ATP11C: variants seen among roughly 807,000 people sequenced by gnomAD.
The protein encoded by ATP11C is ATPase phospholipid transporting 11C (ATP11C blood group).
A neutral mutation model predicts 97.4 loss-of-function variants in ATP11C; 36 were observed. That is an observed-to-expected ratio of 0.37 (90% CI 0.28 to 0.49). The LOEUF (loss-of-function observed/expected upper bound fraction) is 0.49, where lower values mean the gene tolerates loss of function less well. ATP11C is among the 20% of genes least tolerant of loss of function. The pLI, the probability that ATP11C is intolerant of heterozygous loss-of-function variation, is 0.98. For missense variants in ATP11C, 730 were observed against 824.6 expected, an observed-to-expected ratio of 0.89 and a Z score of 1.40; for synonymous variants, 275 against 290.9, an observed-to-expected ratio of 0.95 and a Z score of 0.56.
At chrX:139,793,011 C>T (rs2082725392) in intron 12 of ATP11C, among the ~76,000 whole-genome samples, 1 of 111,338 alleles carries the variant, frequency 9.0e-6, no homozygotes, top group Non-Finnish European at 1.9e-5. Flanking sequence ...GTCTAGGAGT[C>T]ATGGGGCAGT....
chrX:139,913,034 C>T (rs747734591), intron 1 of ATP11C, among the ~76,000 whole-genome samples: 54 of 112,050 alleles, frequency 4.8e-4, no homozygotes, highest in Non-Finnish European at 9.2e-4. Context: ...ACCAAATTAC[C>T]ACTTGTTCTC....
At chrX:139,918,252 C>T (rs976778617) in intron 1 of ATP11C, among the ~76,000 whole-genome samples, 3 of 111,887 alleles carry the variant, frequency 2.7e-5, no homozygotes, top group African/African-American at 9.7e-5. Flanking sequence ...ATCCAAATGA[C>T]TATCTACAGA....
chrX:139,788,230 AGAG>A lies in ATP11C; in HGVS notation c.1479_1481del (p.Ser495del). On this transcript the variant is annotated inframe_deletion, in exon 14 of 30. Coordinates refer to ENST00000682941, the MANE Select transcript of ATP11C (RefSeq NM_001353812.2). ...TCACCAAAGCTATTTCATCTGGTGA[AGAG>A]GAGATATAGGTTAATTCAGCTGATT... 1 of 1,209,065 alleles carries A rather than the reference AGAG, an allele frequency of 8.3e-7. No homozygotes were observed. The highest frequency in any genetic ancestry group is 1.7e-5 in the African/African-American group (1 of 57,747).
At position 139,802,429 on chromosome X, in the gene ATP11C, A is replaced by T. The variant is rs1178131909; in HGVS notation, c.556-90T>A. On this transcript the variant is annotated intron_variant, in intron 6 of 29. Coordinates refer to ENST00000682941, the MANE Select transcript of ATP11C (RefSeq NM_001353812.2). Reference sequence around the variant, plus strand: ...CTGATTTCAGAAACAAATTTAGTTTATGTTTTAGTAAGAGGCTTTGGCAGA... The same window carrying T: ...CTGATTTCAGAAACAAATTTAGTTTTTGTTTTAGTAAGAGGCTTTGGCAGA... 7.9e-6 allele frequency: 4 copies of T among 504,677 alleles called. No homozygotes were observed. In the East Asian group the frequency reaches 1.1e-4, roughly 13 times the overall value. The allele number at this position is 504,677 out of a possible 1,213,427, so 41.6% of individuals were successfully genotyped here. A position where few individuals can be genotyped will look rare whatever the true frequency, so the allele number is the denominator to read the frequency against.
intron 1 of ATP11C, chrX:139,924,294 A>G (rs1373709722): frequency 2.7e-6 from 1 of 364,536 alleles, no homozygotes; most frequent in Non-Finnish European, 5.7e-6. Context: ...TTTCAATGAC[A>G]GTATGAAAAG....
chrX:139,727,690 CAAAT>C lies in ATP11C; in HGVS notation c.*1272_*1275del, dbSNP rs2081274816. The C allele has an allele frequency of 9.0e-6, 1 of 110,933 alleles. No homozygotes were observed. The highest frequency in any genetic ancestry group is 3.3e-5 in the African/African-American group (1 of 30,529). The allele number at this position is 110,933 out of a possible 1,213,427, so 9.1% of individuals were successfully genotyped here. ...AAAAAAAAACAAAAAAACTAGCAGT[CAAAT>C]AAATATGGTCATTTATATCCAAAAA... On this transcript the variant is annotated 3_prime_UTR_variant, in exon 30 of 30. Transcript: ENST00000682941.
chrX:139,775,023 AAG>A (rs1467620907), intron 18 of ATP11C, 70 bp from the exon 19 acceptor site: 5 of 1,058,932 alleles, frequency 4.7e-6, no homozygotes, highest in Admixed American at 3.2e-5. Flanking sequence ...AGGCTTATTA[AAG>A]AGAATATTTT....
At chrX:139,824,559 C>T (rs1471090537) in intron 2 of ATP11C, among the ~76,000 whole-genome samples, 2 of 110,969 alleles carry the variant, frequency 1.8e-5, no homozygotes, top group African/African-American at 3.3e-5. Context: ...TGGTGGTGGG[C>T]GCCTGTAGTC....
chrX:139,785,499 T>C (rs973069896), intron 15 of ATP11C, among the ~76,000 whole-genome samples, 200 bp from the exon 16 acceptor site: 2 of 111,841 alleles, frequency 1.8e-5, no homozygotes, highest in Non-Finnish European at 3.8e-5. Flanking sequence ...TTAAGGGGTA[T>C]TTATAGCCCC....
At chrX:139,825,424 G>A (rs899618132) in intron 2 of ATP11C, among the ~76,000 whole-genome samples, 1 of 111,764 alleles carries the variant, frequency 8.9e-6, no homozygotes, top group Non-Finnish European at 1.9e-5. Flanking sequence ...ACCACAAGGT[G>A]AGCTGAAATT....
intron 12 of ATP11C, among the ~76,000 whole-genome samples, chrX:139,790,384 T>C (rs1022987697): frequency 2.7e-5 from 3 of 111,042 alleles, no homozygotes; most frequent in Non-Finnish European, 3.8e-5. Context: ...ACCTGTTTGA[T>C]GTAAAGAAGT....
At chrX:139,841,128 A>G (rs527363466) in intron 1 of ATP11C, among the ~76,000 whole-genome samples, 4 of 112,850 alleles carry the variant, frequency 3.5e-5, no homozygotes, top group African/African-American at 1.3e-4. Flanking sequence ...ATAACATCTC[A>G]ATGATTAACA....
At chrX:139,826,429 T>C (rs1569473960) in intron 2 of ATP11C, among the ~76,000 whole-genome samples, 1 of 111,139 alleles carries the variant, frequency 9.0e-6, no homozygotes, top group Non-Finnish European at 1.9e-5. Flanking sequence ...TTTGTATTTT[T>C]AGCAAACTTT....
Position 139,728,572 on chromosome X carries a change from A to G in ATP11C, c.*394T>C, listed in dbSNP as rs1229159386. On this transcript the variant is annotated 3_prime_UTR_variant, in exon 30 of 30. Coordinates refer to ENST00000682941, the MANE Select transcript of ATP11C (RefSeq NM_001353812.2). ...AAAAAAAGTAGTATTAGCAAAATCT[A>G]TTCATTCTCATTGCATAACTTCTAC... The G allele has an allele frequency of 6.6e-6, 1 of 152,291 alleles. No homozygotes were observed. The highest frequency in any genetic ancestry group is 1.2e-5 in the Non-Finnish European group (1 of 80,419). The allele number at this position is 152,291 out of a possible 1,213,427, so 12.6% of individuals were successfully genotyped here.
chrX:139,906,526 G>A (rs1221634821), intron 1 of ATP11C, among the ~76,000 whole-genome samples: 2 of 110,334 alleles, frequency 1.8e-5, no homozygotes, highest in African/African-American at 3.3e-5. Flanking sequence ...GCTCACAGCC[G>A]TAATCCCAGC....
chrX:139,757,722 T>G, intron 23 of ATP11C, 86 bp downstream of exon 23: 1 of 644,145 alleles, frequency 1.6e-6, no homozygotes, highest in East Asian at 3.6e-5. Context: ...TACATACATC[T>G]CTAATCTCTA....
At chrX:139,827,382 AG>A (rs1313967594) in intron 1 of ATP11C, among the ~76,000 whole-genome samples, 5 of 112,213 alleles carry the variant, frequency 4.5e-5, no homozygotes, top group African/African-American at 1.3e-4. Flanking sequence ...TTGGCTTTAC[AG>A]GATAGTTTAT....
chrX:139,849,264 G>A (rs1429407909), intron 1 of ATP11C, among the ~76,000 whole-genome samples: 1 of 111,291 alleles, frequency 9.0e-6, no homozygotes, highest in Non-Finnish European at 1.9e-5. Flanking sequence ...TAATTATCCT[G>A]TCTTTCCTAT....
chrX:139,912,361 G>C (rs1324706444), intron 1 of ATP11C, among the ~76,000 whole-genome samples: 2 of 110,596 alleles, frequency 1.8e-5, no homozygotes, highest in African/African-American at 6.6e-5. Context: ...GGAAGGCAAG[G>C]AGAGGAGATA....
Sources: allele counts gnomAD v4.1 joint callset (sites outside exome capture counted in the v4.1 genomes callset), GRCh38; gene constraint gnomAD v4.1.1; transcripts MANE v1.5; gene names NCBI Gene and HGNC (gene_info 2026-07-23, HGNC 2026-07-21).